PLEKHA1: variants seen among roughly 807,000 people sequenced by gnomAD.
PLEKHA1 encodes pleckstrin homology domain-containing family A member 1.
Under a neutral mutation model 52.0 loss-of-function variants are expected in PLEKHA1, and 34 were observed. That is an observed-to-expected ratio of 0.65 (90% CI 0.50 to 0.87). The LOEUF (loss-of-function observed/expected upper bound fraction) is 0.87. PLEKHA1 is among the 40% of genes least tolerant of loss of function. PLEKHA1 has a pLI of 0.00. For synonymous variants in PLEKHA1, 163 were observed against 170.7 expected (o/e 0.95, Z 0.35); for missense variants, 497 against 504.2 (o/e 0.99, Z 0.14).
intron 1 of PLEKHA1, among the ~76,000 whole-genome samples, chr10:122,388,598 T>C (rs917956890): frequency 6.6e-6 from 1 of 152,252 alleles, no homozygotes; most frequent in Non-Finnish European, 1.5e-5. Context: ...CCAGTACATA[T>C]AAAAACTATG....
the PLEKHA1 span, chr10:122,439,153 CT>C: frequency 6.6e-6 from 1 of 152,064 alleles, no homozygotes; most frequent in African/African-American, 2.4e-5. Context: ...ATTTTTATCC[CT>C]CTTTAATTTG....
At chr10:122,402,136 CT>C (rs199545902) in intron 4 of PLEKHA1, among the ~76,000 whole-genome samples, 1 of 151,824 alleles carries the variant, frequency 6.6e-6, no homozygotes, top group Admixed American at 6.6e-5. Context: ...TTTGACAACC[CT>C]TTTTTTTCTA....
chr10:122,393,098 C>T lies in PLEKHA1; in HGVS notation c.-20-83C>T, dbSNP rs2096798629. 9.2e-7 allele frequency: 1 copy of T among 1,090,504 alleles called. No homozygotes were observed. The highest frequency in any genetic ancestry group is 1.3e-6 in the Non-Finnish European group (1 of 787,294). The allele number at this position is 1,090,504 out of a possible 1,614,324, so 67.6% of individuals were successfully genotyped here. ...ACCTTACCTAATGTTGGCAAGTTGC[C>T]CCCTCATTGAACAGATTTGCAGTCC... On this transcript the variant is annotated intron_variant, in intron 1 of 11. Coordinates refer to ENST00000368990, the MANE Select transcript of PLEKHA1 (RefSeq NM_001001974.4). The surrounding 1 kb of genome is among the most constrained non-coding windows in gnomAD (Gnocchi z 4.5).
chr10:122,414,196 T>C (rs1429553631), intron 6 of PLEKHA1, among the ~76,000 whole-genome samples: 1 of 152,138 alleles, frequency 6.6e-6, no homozygotes, highest in Non-Finnish European at 1.5e-5. Context: ...ACTGGTATTA[T>C]GACCTATGTT....
chr10:122,390,757 A>T (rs1418486245), intron 1 of PLEKHA1, among the ~76,000 whole-genome samples: 1 of 152,204 alleles, frequency 6.6e-6, no homozygotes, highest in East Asian at 1.9e-4. Context: ...TAAAAACTCC[A>T]ATATCTGTGA....
intron 11 of PLEKHA1, among the ~76,000 whole-genome samples, chr10:122,427,665 G>T (rs943520577): frequency 5.9e-5 from 9 of 152,068 alleles, no homozygotes; most frequent in African/African-American, 2.2e-4. Flanking sequence ...TAAACATTCT[G>T]CTCAGAAATA....
At chr10:122,394,187 G>A (rs913946080) in intron 2 of PLEKHA1, among the ~76,000 whole-genome samples, 1 of 143,902 alleles carries the variant, frequency 6.9e-6, no homozygotes, top group African/African-American at 2.6e-5. Flanking sequence ...TGATTCTCAT[G>A]CCTCAGCCTC....
chr10:122,398,675 G>A (rs2096885417), intron 3 of PLEKHA1, among the ~76,000 whole-genome samples: 1 of 151,692 alleles, frequency 6.6e-6, no homozygotes, highest in South Asian at 2.1e-4. Flanking sequence ...TATATGAGAT[G>A]CAAAAGGTAG....
At chr10:122,399,345 T>A (rs1230164558) in intron 3 of PLEKHA1, among the ~76,000 whole-genome samples, 1 of 152,056 alleles carries the variant, frequency 6.6e-6, no homozygotes, top group Non-Finnish European at 1.5e-5. Flanking sequence ...GTGAATGAGC[T>A]TCTGGGAGGT....
chr10:122,429,904 T>A lies in PLEKHA1; in HGVS notation c.1181T>A (p.Leu394Ter). The A allele has an allele frequency of 1.2e-6, 2 of 1,614,020 alleles. No homozygotes were observed. The highest frequency in any genetic ancestry group is 8.5e-7 in the Non-Finnish European group (1 of 1,179,962). The change falls in exon 12 of 12, where the codon TTG (leucine) becomes TAG (stop). Residue 394 changes from leucine to a stop codon, truncating the protein, a stop_gained. Transcript: ENST00000368990. LOFTEE classifies it high-confidence loss of function. ...GAAAAAGATTGTGACCTAGTAGACTTGGACGATGCGAGCCTTCCGGTCAGT... is the reference window on the plus strand; with the variant it reads ...GAAAAAGATTGTGACCTAGTAGACTAGGACGATGCGAGCCTTCCGGTCAGT... ...PQEKDCDLVD[L>*]DDASLPVSDV
At chr10:122,410,913 T>G (rs1011126834) in intron 5 of PLEKHA1, among the ~76,000 whole-genome samples, 6 of 152,172 alleles carry the variant, frequency 3.9e-5, no homozygotes, top group African/African-American at 1.4e-4. Flanking sequence ...TGGTTTCAGG[T>G]TCTCTTAATG....
At chr10:122,404,069 T>C (rs2096969798) in intron 4 of PLEKHA1, among the ~76,000 whole-genome samples, 1 of 152,228 alleles carries the variant, frequency 6.6e-6, no homozygotes, top group Non-Finnish European at 1.5e-5. Context: ...TACCAAGCAC[T>C]GTGTTAGTTT....
chr10:122,391,496 C>T (rs1182956167), intron 1 of PLEKHA1, among the ~76,000 whole-genome samples: 2 of 152,024 alleles, frequency 1.3e-5, no homozygotes, highest in African/African-American at 4.8e-5. Context: ...CCAGTTGTAC[C>T]AGCACCAGTT....
chr10:122,399,768 G>T (rs574080941), intron 3 of PLEKHA1, among the ~76,000 whole-genome samples: 1 of 151,900 alleles, frequency 6.6e-6, no homozygotes, highest in African/African-American at 2.4e-5. Context: ...TGTATTTTTA[G>T]TAGAGACGGG....
chr10:122,441,482 A>T, the PLEKHA1 span: 1 of 152,632 alleles, frequency 6.6e-6, no homozygotes, highest in Admixed American at 6.5e-5. Context: ...AAAAAAAAAA[A>T]GTTTGAGATC....
intron 4 of PLEKHA1, among the ~76,000 whole-genome samples, chr10:122,403,088 A>G (rs897096885): frequency 6.6e-6 from 1 of 152,202 alleles, no homozygotes; most frequent in Non-Finnish European, 1.5e-5. Context: ...ATATGAATAG[A>G]CAGCCCAGGA....
At chr10:122,390,331 T>G (rs1216961330) in intron 1 of PLEKHA1, among the ~76,000 whole-genome samples, 1 of 152,250 alleles carries the variant, frequency 6.6e-6, no homozygotes, top group African/African-American at 2.4e-5. Flanking sequence ...ACCATTCTTG[T>G]GTTCACTGAA....
chr10:122,424,358 T>C (rs1193827949), intron 9 of PLEKHA1, 95 bp downstream of exon 9: 1 of 1,347,502 alleles, frequency 7.4e-7, no homozygotes, highest in Non-Finnish European at 1.0e-6. Flanking sequence ...CATTTTTCCA[T>C]ATTAATTGTA....
At chr10:122,374,996 C>T (rs1565081048) in intron 1 of PLEKHA1, 190 bp downstream of exon 1, 1 of 151,962 alleles carries the variant, frequency 6.6e-6, no homozygotes, top group Admixed American at 6.6e-5. Flanking sequence ...CTGCGCACGT[C>T]CGCGCCACGC....
Sources: gnomAD v4.1 joint callset for allele counts (sites outside exome capture counted in the v4.1 genomes callset) on GRCh38, gnomAD v4.1.1 for gene constraint, Gnocchi (gnomAD v3.1) non-coding constraint, MANE v1.5 for transcripts, NCBI Gene and HGNC (gene_info 2026-07-23, HGNC 2026-07-21) for gene names.